The following CEP76 variants were observed in gnomAD, a reference collection of about 807,000 sequenced individuals.
CEP76 encodes the protein centrosomal protein of 76 kDa.
CEP76 carries 55 observed loss-of-function variants against 83.3 expected under a neutral mutation model. The observed-to-expected ratio is 0.66, with a 90% CI of 0.53 to 0.83. CEP76 has a LOEUF of 0.83. Among genes scored for constraint, CEP76 ranks in the 40% least tolerant of loss-of-function variants. The probability of loss-of-function intolerance (pLI) is 0.00; values close to 1 mark genes in which losing one functional copy is unlikely to be tolerated. For synonymous variants in CEP76, 270 were observed against 274.5 expected, an observed-to-expected ratio of 0.98 and a Z score of 0.16; for missense variants, 694 against 799.5, an observed-to-expected ratio of 0.87 and a Z score of 1.59.
chr18:12,694,864 C>A (rs2039893720), intron 6 of CEP76, among the ~76,000 whole-genome samples: 1 of 151,912 alleles, frequency 6.6e-6, no homozygotes, highest in Admixed American at 6.6e-5. Context: ...GTGCCTGCCA[C>A]CACGCCCGGC....
chr18:12,677,458 CAAAAAAAAAAAAAAAA>C (rs71174127), intron 10 of CEP76, among the ~76,000 whole-genome samples: 7 of 53,948 alleles, frequency 1.3e-4, no homozygotes, highest in African/African-American at 5.8e-4. Context: ...GATTCCATCT[CAAAAAAAAAAAAAAAA>C]AAAAAAAAAA....
chr18:12,702,512 G>T lies in CEP76; in HGVS notation c.37C>A (p.Gln13Lys), dbSNP rs1294843737. The T allele has an allele frequency of 6.2e-7, 1 of 1,609,854 alleles. No individual in the cohort carries two copies. The highest frequency in any genetic ancestry group is 8.5e-7 in the Non-Finnish European group (1 of 1,178,790). The change falls in exon 1 of 12, where the codon CAG becomes AAG. Residue 13 changes from glutamine (Q) to lysine (K), a missense_variant. Transcript: ENST00000262127. ...LPPEKASELK[Q>K]LIHQQLSKMD... Reference sequence around the variant, plus strand: ...TTGCTCAGCTGCTGGTGGATGAGCTGCTTCAGCTCGGAGGCTTTCTCCGGA... The same window carrying T: ...TTGCTCAGCTGCTGGTGGATGAGCTTCTTCAGCTCGGAGGCTTTCTCCGGA...
chr18:12,674,251 A>G (rs139075277), intron 11 of CEP76, among the ~76,000 whole-genome samples: 4 of 152,160 alleles, frequency 2.6e-5, no homozygotes, highest in Non-Finnish European at 5.9e-5. Context: ...AGCCTGGGCA[A>G]CATAGGAAGA....
At chr18:12,674,464 TAAAA>T (rs1332546252) in intron 11 of CEP76, 68 bp downstream of exon 11, 3 of 1,116,996 alleles carry the variant, frequency 2.7e-6, no homozygotes, top group Non-Finnish European at 3.8e-6. Flanking sequence ...AAAAGGAAAT[TAAAA>T]AAACCCCTGC....
intron 1 of CEP76, 142 bp from the exon 2 acceptor site, chr18:12,701,255 T>C: frequency 1.6e-6 from 1 of 616,632 alleles, no homozygotes; most frequent in South Asian, 2.2e-5. Context: ...TTTTAAAGAA[T>C]GAATCTTTTG....
At chr18:12,669,195 C>G (rs2038878057), downstream of CEP76, among the ~76,000 whole-genome samples, 1 of 151,434 alleles carries the variant, frequency 6.6e-6, no homozygotes, top group African/African-American at 2.4e-5. Context: ...TCACGGCAAC[C>G]TCCACCTCCC....
At chr18:12,672,175 C>T (rs1224778576), downstream of CEP76, among the ~76,000 whole-genome samples, 3 of 149,060 alleles carry the variant, frequency 2.0e-5, no homozygotes, top group South Asian at 2.1e-4. Context: ...AGTGCAGTGG[C>T]GCGATCTCAC....
intron 1 of CEP76, among the ~76,000 whole-genome samples, chr18:12,701,834 A>G (rs368878205): frequency 9.8e-5 from 15 of 152,356 alleles, no homozygotes; most frequent in Admixed American, 7.8e-4. Flanking sequence ...TCAGCGGTAA[A>G]GAAACCCTGA....
At chr18:12,670,570 C>G (rs1161519904), downstream of CEP76, 1 of 152,148 alleles carries the variant, frequency 6.6e-6, no homozygotes, top group Non-Finnish European at 1.5e-5. Flanking sequence ...TTAGTACATA[C>G]CTCATAGTTT....
intron 12 of CEP76, among the ~76,000 whole-genome samples, chr18:12,666,117 G>A (rs771031642): frequency 1.4e-5 from 2 of 142,956 alleles, no homozygotes; most frequent in Admixed American, 7.4e-5. Flanking sequence ...AGAAGTTCAA[G>A]ACCAGACTGA....
At chr18:12,678,710 C>T (rs2039233935) in intron 9 of CEP76, among the ~76,000 whole-genome samples, 1 of 152,064 alleles carries the variant, frequency 6.6e-6, no homozygotes, top group Non-Finnish European at 1.5e-5. Flanking sequence ...AGTCCCAGCA[C>T]TTTGGGAGGC....
intron 12 of CEP76, among the ~76,000 whole-genome samples, chr18:12,662,763 T>C (rs752433515): frequency 2.0e-5 from 3 of 151,948 alleles, no homozygotes; most frequent in Non-Finnish European, 4.4e-5. Context: ...GGCGATAGAG[T>C]GAGACCTTGT....
chr18:12,665,566 G>T lies in CEP76; in HGVS notation c.*1728-3397C>A, dbSNP rs191524865. On this transcript the variant is annotated intron_variant and NMD_transcript_variant, in intron 12 of 12. Transcript: ENST00000590143. ...AAGTGTAACCCTCGCTCCTACTCTC[G>T]ACCTAGCAATCTAATCCTTCTTAAG... is the stretch of plus-strand genomic sequence containing the variant. Among the ~76,000 whole-genome samples the T allele has an allele frequency of 5.9e-4, 90 of 152,160 alleles. No individual in the cohort carries two copies. In the South Asian group the frequency reaches 1.0e-2, roughly 17 times the overall value.
At chr18:12,679,753 G>A (rs1330001383) in intron 9 of CEP76, among the ~76,000 whole-genome samples, 3 of 152,044 alleles carry the variant, frequency 2.0e-5, no homozygotes, top group African/African-American at 7.2e-5. Context: ...TCAGACTTAG[G>A]TATGATCATC....
At chr18:12,690,948 C>CG (rs397773422) in intron 7 of CEP76, among the ~76,000 whole-genome samples, 4 of 151,346 alleles carry the variant, frequency 2.6e-5, no homozygotes, top group Non-Finnish European at 5.9e-5. Context: ...AGCCCCCCCC[C>CG]GTTCTGCACA....
Position 12,673,214 on chromosome 18 carries a change from T to A in CEP76, c.*151A>T. 3.7e-6 allele frequency: 5 copies of A among 1,351,194 alleles called. No individual in the cohort carries two copies. The highest frequency in any genetic ancestry group is 2.9e-5 in the East Asian group (1 of 34,734). The allele number at this position is 1,351,194 out of a possible 1,614,324, so 83.7% of individuals were successfully genotyped here. A position where few individuals can be genotyped will look rare whatever the true frequency, so the allele number is the denominator to read the frequency against. ...TTTTAAAGGAATGCATGATTTTTTT[T>A]AAACATTACCAGTCAAGTATATACA... On this transcript the variant is annotated 3_prime_UTR_variant, in exon 12 of 12. Transcript: ENST00000262127.
chr18:12,674,431 G>C, intron 11 of CEP76, 105 bp downstream of exon 11: 1 of 774,770 alleles, frequency 1.3e-6, no homozygotes, highest in Non-Finnish European at 2.0e-6. Flanking sequence ...AGCAGAGCAA[G>C]ACCTTGAGTT....
intron 6 of CEP76, 60 bp from the exon 7 acceptor site, chr18:12,691,547 A>G: frequency 7.9e-7 from 1 of 1,270,532 alleles, no homozygotes; most frequent in Admixed American, 2.0e-5. Flanking sequence ...ACTACAAAAT[A>G]TGTAGCAAAT....
At chr18:12,668,207 TTGATCTGAGATTGCACCAC>T (rs2038844397), downstream of CEP76, among the ~76,000 whole-genome samples, 2 of 151,774 alleles carry the variant, frequency 1.3e-5, no homozygotes, top group African/African-American at 4.8e-5. Context: ...GGAGGTTGCA[TTGATCTGAGATTGCACCAC>T]TGCACTCCAG....
Sources: gnomAD v4.1 joint callset for allele counts (sites outside exome capture counted in the v4.1 genomes callset) on GRCh38, gnomAD v4.1.1 for gene constraint, MANE v1.5 for transcripts, NCBI Gene and HGNC (gene_info 2026-07-23, HGNC 2026-07-21) for gene names.